Variants in VPS13A observed in about 807,000 individuals in gnomAD.
The protein encoded by VPS13A is vacuolar protein sorting 13 homolog A, also known as intermembrane lipid transfer protein VPS13A.
A neutral mutation model predicts 390.9 loss-of-function variants in VPS13A; 264 were observed. That is an observed-to-expected ratio of 0.68 (90% confidence interval 0.61 to 0.75). The LOEUF (loss-of-function observed/expected upper bound fraction) is 0.75, where lower values mean the gene tolerates loss of function less well. Ranked by LOEUF, VPS13A falls within the 30% of genes least tolerant of loss-of-function variation. VPS13A has a pLI of 0.00. For synonymous variants in VPS13A, 1,231 were observed against 1,227.1 expected, an observed-to-expected ratio of 1.00 and a Z score of -0.07; for missense variants, 3,409 against 3,733.9, an observed-to-expected ratio of 0.91 and a Z score of 2.27.
chr9:77,332,774 G>A (rs1259707133), intron 46 of VPS13A, among the ~76,000 whole-genome samples: 1 of 152,090 alleles, frequency 6.6e-6, no homozygotes, highest in African/African-American at 2.4e-5. Context: ...ACTGTTCTCA[G>A]AATTAAGCAT....
chr9:77,287,046 G>T (rs1391323573), intron 31 of VPS13A, among the ~76,000 whole-genome samples: 2 of 151,578 alleles, frequency 1.3e-5, no homozygotes, highest in Non-Finnish European at 2.9e-5. Flanking sequence ...CTACTCATGT[G>T]ACATGCAGAG....
intron 3 of VPS13A, among the ~76,000 whole-genome samples, chr9:77,203,500 C>G (rs923607546): frequency 6.6e-6 from 1 of 152,134 alleles, no homozygotes; most frequent in African/African-American, 2.4e-5. Context: ...GTTGCCCAGG[C>G]TTGTCTTGAA....
intron 17 of VPS13A, among the ~76,000 whole-genome samples, chr9:77,229,583 A>G (rs1203786380): frequency 6.6e-6 from 1 of 152,174 alleles, no homozygotes; most frequent in Non-Finnish European, 1.5e-5. Flanking sequence ...TTCAAGGTTC[A>G]TCCTGTTGTA....
At chr9:77,335,473 A>G (rs1478059263) in intron 46 of VPS13A, among the ~76,000 whole-genome samples, 1 of 152,210 alleles carries the variant, frequency 6.6e-6, no homozygotes, top group Admixed American at 6.5e-5. Flanking sequence ...CAAAGGACTA[A>G]TATCCAGAAT....
chr9:77,376,154 C>T (rs1241922004), intron 67 of VPS13A, among the ~76,000 whole-genome samples: 1 of 152,108 alleles, frequency 6.6e-6, no homozygotes, highest in Non-Finnish European at 1.5e-5. Flanking sequence ...AGTTAAAAAG[C>T]CCTGATGCAA....
chr9:77,391,355 T>C lies in VPS13A; in HGVS notation c.9189+9268T>C, dbSNP rs760969527. Among the ~76,000 whole-genome samples, 10 of 152,350 alleles carry C rather than the reference T, an allele frequency of 6.6e-5. No individual in the cohort carries two copies. In the East Asian group the frequency reaches 1.9e-3, roughly 29 times the overall value. On this transcript the variant is annotated intron_variant, in intron 68 of 71. Transcript: ENST00000360280. Reference sequence around the variant, plus strand: ...TCTATTTTTTATTAGCCAAATGTCCTGTGAAAGGATACATTCACTTGCCGA... The same window carrying C: ...TCTATTTTTTATTAGCCAAATGTCCCGTGAAAGGATACATTCACTTGCCGA...
chr9:77,399,206 CAAAG>C (rs1834269641), intron 68 of VPS13A, among the ~76,000 whole-genome samples: 1 of 74,198 alleles, frequency 1.3e-5, no homozygotes, highest in Middle Eastern at 6.5e-3. Flanking sequence ...AAAAAAAAAA[CAAAG>C]GATACGGTTG....
intron 68 of VPS13A, among the ~76,000 whole-genome samples, chr9:77,386,181 G>A (rs1833674317): frequency 6.6e-6 from 1 of 152,136 alleles, no homozygotes; most frequent in Non-Finnish European, 1.5e-5. Flanking sequence ...AACCAACTTT[G>A]TATTTGTTGT....
Position 77,366,715 on chromosome 9 carries a change from T to A in VPS13A, c.8326-12T>A, listed in dbSNP as rs778154750. 40 of 1,601,322 alleles carry A rather than the reference T, an allele frequency of 2.5e-5. No homozygotes were observed. The highest frequency in any genetic ancestry group is 3.2e-5 in the Non-Finnish European group (37 of 1,171,932). ...AAAATACTTTTAAATATTTATCTCT[T>A]TATCTTTTTAGTTACATTTAAGTGT... is the stretch of plus-strand genomic sequence containing the variant. On this transcript the variant is annotated splice_polypyrimidine_tract_variant and intron_variant, in intron 60 of 71. Transcript: ENST00000360280.
chr9:77,294,202 T>A (rs1827843936), intron 32 of VPS13A, among the ~76,000 whole-genome samples: 1 of 152,158 alleles, frequency 6.6e-6, no homozygotes, highest in South Asian at 2.1e-4. Flanking sequence ...ATTACAGGCA[T>A]TATGTCTGGC....
At chr9:77,401,388 G>GAGTC (rs1834388918) in intron 68 of VPS13A, among the ~76,000 whole-genome samples, 2 of 150,310 alleles carry the variant, frequency 1.3e-5, no homozygotes, top group African/African-American at 2.4e-5. Context: ...AATTGGGAGG[G>GAGTC]AGTCAATAAC....
At chr9:77,229,849 T>C (rs1823724768) in intron 17 of VPS13A, among the ~76,000 whole-genome samples, 1 of 152,164 alleles carries the variant, frequency 6.6e-6, no homozygotes, top group Admixed American at 6.5e-5. Flanking sequence ...ACCAGACTGT[T>C]TCCCAAAGCA....
intron 31 of VPS13A, among the ~76,000 whole-genome samples, chr9:77,291,844 G>T (rs994958667): frequency 2.6e-5 from 4 of 152,150 alleles, no homozygotes; most frequent in African/African-American, 9.7e-5. Flanking sequence ...TGGCCATCCT[G>T]CCCCTCCTCC....
rs767957540 is a variant in VPS13A at position 77,177,657 on chromosome 9, G to A, written c.-48G>A. 5 of 1,559,490 alleles carry A rather than the reference G, an allele frequency of 3.2e-6. No homozygotes were observed. In the South Asian group the frequency reaches 5.6e-5, roughly 17 times the overall value. ...GGGAGGGGCGTGGGGAAGGCGGCGGGAGGAGGAGCGCACGGGCCGGCTGCC... is the reference window on the plus strand; with the variant it reads ...GGGAGGGGCGTGGGGAAGGCGGCGGAAGGAGGAGCGCACGGGCCGGCTGCC... On this transcript the variant is annotated 5_prime_UTR_variant, in exon 1 of 72. Transcript: ENST00000360280.
intron 71 of VPS13A, among the ~76,000 whole-genome samples, chr9:77,411,660 C>CAAAAAAAAAAAAAAAAAAAAAAA (rs1169254413): frequency 7.4e-4 from 25 of 33,920 alleles, no homozygotes; most frequent in Non-Finnish European, 8.2e-4. Flanking sequence ...AACTCCATCT[C>CAAAAAAAAAAAAAAAAAAAAAAA]AAAAAAAAAA....
rs1554861598 is a variant in VPS13A at position 77,212,951 on chromosome 9, G to GA, written c.556-18_556-17insA. On this transcript the variant is annotated splice_polypyrimidine_tract_variant and intron_variant, in intron 7 of 71. Transcript: ENST00000360280. ...ATGGAATGACCTTTTTACTGCCATT[G>GA]TTTTTTTTCCTTTTCAGACAACTGA... The GA allele has an allele frequency of 6.2e-7, 1 of 1,612,512 alleles. No homozygotes were observed. The highest frequency in any genetic ancestry group is 1.1e-5 in the South Asian group (1 of 91,028).
Position 77,421,253 on chromosome 9 carries a change from C to T in VPS13A, c.*5247C>T, listed in dbSNP as rs1206810271. On this transcript the variant is annotated 3_prime_UTR_variant, in exon 72 of 72. Transcript: ENST00000360280. ...TTCCTACACTTTTCTGTTCCTCATC[C>T]CTCTTTTATGTGTGCTTGGCTCAGT... The T allele has an allele frequency of 2.0e-5, 3 of 152,166 alleles. No homozygotes were observed. The highest frequency in any genetic ancestry group is 2.9e-5 in the Non-Finnish European group (2 of 68,028). The allele number at this position is 152,166 out of a possible 1,614,324, so 9.4% of individuals were successfully genotyped here. A position where few individuals can be genotyped will look rare whatever the true frequency, so the allele number is the denominator to read the frequency against.
At chr9:77,274,622 T>G (rs927801904) in intron 24 of VPS13A, among the ~76,000 whole-genome samples, 2 of 152,030 alleles carry the variant, frequency 1.3e-5, no homozygotes, top group Admixed American at 1.3e-4. Context: ...CATCAATAAT[T>G]ATCTACATTT....
chr9:77,386,812 A>G (rs1012316952), intron 68 of VPS13A, among the ~76,000 whole-genome samples: 11 of 150,652 alleles, frequency 7.3e-5, no homozygotes, highest in African/African-American at 2.4e-4. Flanking sequence ...GGTTCACGCC[A>G]TTCTCCTGCC....
Sources: allele counts gnomAD v4.1 joint callset (sites outside exome capture counted in the v4.1 genomes callset), GRCh38; gene constraint gnomAD v4.1.1; transcripts MANE v1.5; gene names NCBI Gene and HGNC (gene_info 2026-07-23, HGNC 2026-07-21).